Variants in STAG1 observed in about 807,000 individuals in gnomAD.
The protein encoded by STAG1 is STAG1 cohesin complex component.
In STAG1, 26 loss-of-function variants were observed where a neutral mutation model predicts 170.9. That is an observed-to-expected ratio of 0.15 (90% CI 0.11 to 0.21). The LOEUF (loss-of-function observed/expected upper bound fraction) is 0.21. Among genes scored for constraint, STAG1 ranks in the 10% least tolerant of loss-of-function variants. The pLI, the probability that STAG1 is intolerant of heterozygous loss-of-function variation, is 1.00. For synonymous variants in STAG1, 514 were observed against 497.7 expected, an observed-to-expected ratio of 1.03 and a Z score of -0.44; for missense variants, 964 against 1,509.5, an observed-to-expected ratio of 0.64 and a Z score of 5.99.
chr3:136,550,633 G>A (rs981147694), intron 5 of STAG1, among the ~76,000 whole-genome samples: 2 of 151,960 alleles, frequency 1.3e-5, no homozygotes, highest in Non-Finnish European at 2.9e-5. Context: ...CCATAACTCA[G>A]TCTTGATAGG....
At chr3:136,421,191 TACA>T in intron 19 of STAG1, 28 bp from the exon 20 acceptor site, 3 of 1,495,940 alleles carry the variant, frequency 2.0e-6, no homozygotes, top group Non-Finnish European at 2.8e-6. Context: ...ATCACATCAT[TACA>T]ACTTTACTCA....
intron 2 of STAG1, among the ~76,000 whole-genome samples, chr3:136,628,027 C>G (rs140672973): frequency 6.6e-6 from 1 of 152,154 alleles, no homozygotes; most frequent in South Asian, 2.1e-4. Context: ...GCTCTGTGTC[C>G]TCACCAAAAT....
intron 4 of STAG1, among the ~76,000 whole-genome samples, chr3:136,582,860 C>T (rs1937621460): frequency 1.3e-5 from 2 of 151,896 alleles, no homozygotes; most frequent in South Asian, 4.2e-4. Flanking sequence ...TTTCATGAAC[C>T]AGCAAATCTC....
chr3:136,386,926 G>A (rs1295642171), intron 22 of STAG1, among the ~76,000 whole-genome samples: 8 of 151,864 alleles, frequency 5.3e-5, no homozygotes, highest in African/African-American at 1.9e-4. Context: ...TTTTGGAATG[G>A]GCAGAAATAA....
At chr3:136,687,212 T>C (rs572692137) in intron 1 of STAG1, among the ~76,000 whole-genome samples, 2 of 152,332 alleles carry the variant, frequency 1.3e-5, no homozygotes, top group Middle Eastern at 3.4e-3. Context: ...CAAATGAAAC[T>C]GTATCTTGAT....
chr3:136,719,682 G>A (rs1224778919), intron 1 of STAG1, among the ~76,000 whole-genome samples: 10 of 91,296 alleles, frequency 1.1e-4, no homozygotes, highest in Non-Finnish European at 1.7e-4. Flanking sequence ...TGGGTGGGTG[G>A]GTGGGTGGAT....
At chr3:136,660,690 G>A (rs112952479) in intron 1 of STAG1, among the ~76,000 whole-genome samples, 3 of 151,898 alleles carry the variant, frequency 2.0e-5, no homozygotes, top group Non-Finnish European at 2.9e-5. Flanking sequence ...GGGGACTGGC[G>A]AGGCATGGTG....
At chr3:136,693,190 C>A (rs1942781619) in intron 1 of STAG1, among the ~76,000 whole-genome samples, 1 of 152,074 alleles carries the variant, frequency 6.6e-6, no homozygotes, top group Non-Finnish European at 1.5e-5. Context: ...TGTAAACGTC[C>A]AAGGCAAAAA....
intron 1 of STAG1, among the ~76,000 whole-genome samples, chr3:136,726,719 C>T (rs375334862): frequency 1.6e-4 from 24 of 152,136 alleles, no homozygotes; most frequent in African/African-American, 5.6e-4. Flanking sequence ...CCACTGCACC[C>T]GTCCTAGAAG....
chr3:136,381,644 A>T (rs887294419), intron 22 of STAG1, among the ~76,000 whole-genome samples: 1 of 152,212 alleles, frequency 6.6e-6, no homozygotes, highest in Admixed American at 6.5e-5. Flanking sequence ...TGGGGCTGAT[A>T]GAAGTCTTTT....
chr3:136,572,601 C>CAAAAAA (rs11379268), intron 4 of STAG1, among the ~76,000 whole-genome samples: 1 of 66,694 alleles, frequency 1.5e-5, no homozygotes, highest in African/African-American at 6.0e-5. Flanking sequence ...AAGACTGTCT[C>CAAAAAA]AAAAAAAAAA....
At chr3:136,419,869 T>G (rs2087898969) in intron 20 of STAG1, among the ~76,000 whole-genome samples, 1 of 152,128 alleles carries the variant, frequency 6.6e-6, no homozygotes, top group Non-Finnish European at 1.5e-5. Context: ...TGTTAAATAC[T>G]CATGGGCTGA....
chr3:136,555,063 G>A lies in STAG1; in HGVS notation c.395-12868C>T, dbSNP rs536322020. On this transcript the variant is annotated intron_variant, in intron 5 of 33. Coordinates refer to ENST00000383202, the MANE Select transcript of STAG1 (RefSeq NM_005862.3). ...TATATATATACATATATGCACACAC[G>A]CACTCAGGCACACACACACACTATT... Among the ~76,000 whole-genome samples, 31 of 147,682 alleles carry A rather than the reference G, an allele frequency of 2.1e-4. No homozygotes were observed. The East Asian group carries it at 3.1e-3, about 15-fold the overall frequency.
chr3:136,591,939 G>A (rs1576642343), intron 4 of STAG1, among the ~76,000 whole-genome samples: 1 of 152,038 alleles, frequency 6.6e-6, no homozygotes, highest in East Asian at 1.9e-4. Flanking sequence ...AGATTTCTTG[G>A]CCCTGGACCA....
At chr3:136,471,799 C>G (rs764776201) in intron 12 of STAG1, among the ~76,000 whole-genome samples, 2 of 152,076 alleles carry the variant, frequency 1.3e-5, no homozygotes, top group Non-Finnish European at 2.9e-5. Context: ...GAAACTGTCC[C>G]TTTGAGGGTT....
intron 6 of STAG1, among the ~76,000 whole-genome samples, chr3:136,522,067 T>C (rs1279394598): frequency 6.6e-6 from 1 of 152,196 alleles, no homozygotes; most frequent in Non-Finnish European, 1.5e-5. Context: ...ACAACCCAAT[T>C]GGTTAGAGGT....
chr3:136,693,615 T>G (rs1165210000), intron 1 of STAG1, among the ~76,000 whole-genome samples: 1 of 152,188 alleles, frequency 6.6e-6, no homozygotes, highest in East Asian at 1.9e-4. Context: ...TGAATTTATC[T>G]GTTTTAACTG....
rs1043170140 is a variant in STAG1 at position 136,651,261 on chromosome 3, G to C, written c.-83-20280C>G. ...CCTGCCTGTAACTCCTGATACTTCA[G>C]AGGCTGAGGTGGGAGGACTGCTTGA... On this transcript the variant is annotated intron_variant, in intron 1 of 33. Coordinates refer to ENST00000383202, the MANE Select transcript of STAG1 (RefSeq NM_005862.3). 2.4e-4 allele frequency among the ~76,000 whole-genome samples: 36 copies of C among 151,658 alleles called. 1 individual carries two copies. Among genetic ancestry groups the C allele is most frequent in the Admixed American group, 2.2e-3 (34 of 15,216 alleles).
chr3:136,750,035 A>C (rs1008255409), intron 1 of STAG1, among the ~76,000 whole-genome samples: 1 of 152,176 alleles, frequency 6.6e-6, no homozygotes, highest in Admixed American at 6.5e-5. Flanking sequence ...TTCTCACAGC[A>C]CTGAGATTAT....
Sources: allele counts gnomAD v4.1 joint callset (sites outside exome capture counted in the v4.1 genomes callset), GRCh38; gene constraint gnomAD v4.1.1; transcripts MANE v1.5; gene names NCBI Gene and HGNC (gene_info 2026-07-23, HGNC 2026-07-21).